The following THOC2 variants were observed in gnomAD, a reference collection of about 807,000 sequenced individuals.
The protein encoded by THOC2 is THO complex subunit 2, also known as THO complex 2.
In THOC2, 10 loss-of-function variants were observed where a neutral mutation model predicts 128.4. That is an observed-to-expected ratio of 0.08 (90% CI 0.05 to 0.13). The LOEUF (loss-of-function observed/expected upper bound fraction) is 0.13, where lower values mean the gene tolerates loss of function less well. Among genes scored for constraint, THOC2 ranks in the 10% least tolerant of loss-of-function variants. The pLI, the probability that THOC2 is intolerant of heterozygous loss-of-function variation, is 1.00. For missense variants in THOC2, 535 were observed against 1,155.7 expected (o/e 0.46, Z 7.79); for synonymous variants, 393 against 396.9 (o/e 0.99, Z 0.12).
Position 123,633,121 on chromosome X carries a change from G to A in THOC2, c.2137-81C>T, listed in dbSNP as rs747016963. 13 of 696,189 alleles carry A rather than the reference G, an allele frequency of 1.9e-5. No individual in the cohort carries two copies. The South Asian group carries it at 6.8e-4, about 37-fold the overall frequency. 57.4% of individuals were successfully genotyped at this position (696,189 alleles called of 1,213,427 possible). ...TGAAAAAGACACAGAAAAAAGTTGA[G>A]TTAAAATGCTTAATATAAAAAACTC... On this transcript the variant is annotated intron_variant, in intron 20 of 38. Transcript: ENST00000245838.
chrX:123,729,817 T>G (rs887844002), intron 1 of THOC2, among the ~76,000 whole-genome samples: 1 of 112,122 alleles, frequency 8.9e-6, no homozygotes, highest in Non-Finnish European at 1.9e-5. Context: ...AGGTTTTTTG[T>G]AATATATTTG....
Position 123,667,156 on chromosome X carries a change from G to A in THOC2, c.1140C>T (p.Ala380=). ...TATGAATGAGCTTGCAAATAGCAAG[G>A]GCTATTAGCTTGTGTGAAGCTGCAT... ...PYYAASHKLI[A]LAICKLIHIT... is the part of the protein sequence containing the mutation. The change falls in exon 11 of 39, where the codon GCC becomes GCT. Residue 380 remains alanine (A), a synonymous_variant. Coordinates refer to ENST00000245838, the MANE Select transcript of THOC2 (RefSeq NM_001081550.2). The A allele has an allele frequency of 8.3e-7, 1 of 1,202,934 alleles. No homozygotes were observed. Among genetic ancestry groups the A allele is most frequent in the Non-Finnish European group, 1.1e-6 (1 of 890,283 alleles).
intron 8 of THOC2, among the ~76,000 whole-genome samples, chrX:123,674,311 T>C (rs1322517814): frequency 8.9e-6 from 1 of 112,109 alleles, no homozygotes; most frequent in Non-Finnish European, 1.9e-5. Context: ...TTTTATATTA[T>C]ATAATGTTTT....
chrX:123,661,063 G>A (rs1161908382), intron 12 of THOC2, among the ~76,000 whole-genome samples: 1 of 112,428 alleles, frequency 8.9e-6, no homozygotes, highest in Admixed American at 9.4e-5. Flanking sequence ...AATAAGCCAG[G>A]CACAGAAAGA....
At chrX:123,669,459 G>A (rs1414988455) in intron 9 of THOC2, among the ~76,000 whole-genome samples, 2 of 110,422 alleles carry the variant, frequency 1.8e-5, no homozygotes, top group Non-Finnish European at 3.8e-5. Context: ...TGGGATTACA[G>A]GCATGTGCCA....
intron 1 of THOC2, among the ~76,000 whole-genome samples, chrX:123,719,916 A>T (rs1423121166): frequency 2.7e-5 from 3 of 111,387 alleles, no homozygotes; most frequent in South Asian, 3.7e-4. Flanking sequence ...GCAACAAAGC[A>T]AAATGCTGTC....
intron 8 of THOC2, among the ~76,000 whole-genome samples, chrX:123,678,103 T>C (rs933377412): frequency 9.1e-6 from 1 of 110,077 alleles, no homozygotes; most frequent in South Asian, 3.9e-4. Context: ...GACCTGAGGC[T>C]CTTCTTGAGG....
At chrX:123,645,499 A>C in intron 12 of THOC2, 124 bp from the exon 13 acceptor site, 1 of 393,701 alleles carries the variant, frequency 2.5e-6, no homozygotes, top group Non-Finnish European at 4.2e-6. Context: ...CTTTTTACAA[A>C]TATGTAGATT....
Position 123,667,127 on chromosome X carries a change from G to C in THOC2, c.1169C>G (p.Thr390Ser). 1 of 1,194,748 alleles carries C rather than the reference G, an allele frequency of 8.4e-7. No individual in the cohort carries two copies. Among genetic ancestry groups the C allele is most frequent in the Non-Finnish European group, 1.1e-6 (1 of 887,773 alleles). ...ATACCTTCGGTAGAGAGGCTCAATA[G>C]TTATATGAATGAGCTTGCAAATAGC... is the stretch of plus-strand genomic sequence containing the variant. ...ALAICKLIHI[T>S]IEPLYRRVGV... is the part of the protein sequence containing the mutation. Residue 390 changes from threonine (T) to serine (S), a missense_variant, in exon 11 of 39, where the codon ACT becomes AGT. Coordinates refer to ENST00000245838, the MANE Select transcript of THOC2 (RefSeq NM_001081550.2).
At chrX:123,728,022 A>G (rs2052070671) in intron 1 of THOC2, among the ~76,000 whole-genome samples, 1 of 112,459 alleles carries the variant, frequency 8.9e-6, no homozygotes, top group Non-Finnish European at 1.9e-5. Context: ...GATTATGCTC[A>G]CATCTCAAAT....
intron 12 of THOC2, among the ~76,000 whole-genome samples, chrX:123,651,071 C>T (rs1372369000): frequency 1.8e-5 from 2 of 111,650 alleles, no homozygotes; most frequent in African/African-American, 3.3e-5. Context: ...AAAGACTCCT[C>T]AGGACATGCA....
intron 33 of THOC2, among the ~76,000 whole-genome samples, chrX:123,616,677 T>G (rs1212321443): frequency 5.5e-5 from 6 of 109,298 alleles, no homozygotes; most frequent in Admixed American, 2.0e-4. Context: ...TTTTTTGTTT[T>G]TTTTTTTTTA....
intron 5 of THOC2, among the ~76,000 whole-genome samples, chrX:123,697,064 T>C (rs995309984): frequency 1.8e-5 from 2 of 112,332 alleles, no homozygotes; most frequent in African/African-American, 6.5e-5. Context: ...TAAAATTATA[T>C]GCATGTTGTA....
At chrX:123,640,728 T>C in intron 15 of THOC2, 106 bp from the exon 16 acceptor site, 1 of 421,641 alleles carries the variant, frequency 2.4e-6, no homozygotes, top group South Asian at 6.1e-5. Flanking sequence ...ATTCCCCAAA[T>C]ATCCAAAATG....
intron 7 of THOC2, among the ~76,000 whole-genome samples, chrX:123,692,419 A>G (rs2050258974): frequency 9.0e-6 from 1 of 111,032 alleles, no homozygotes; most frequent in South Asian, 3.8e-4. Flanking sequence ...TTGCGCATGC[A>G]GTAAACAGCC....
intron 1 of THOC2, among the ~76,000 whole-genome samples, chrX:123,722,268 G>A (rs756344910): frequency 1.3e-4 from 14 of 111,825 alleles, no homozygotes; most frequent in South Asian, 7.5e-4. Context: ...ACATGCACAC[G>A]TATGTTCACT....
At chrX:123,676,285 G>A (rs1282992555) in intron 8 of THOC2, among the ~76,000 whole-genome samples, 1 of 111,762 alleles carries the variant, frequency 8.9e-6, no homozygotes, top group African/African-American at 3.3e-5. Context: ...ACAAAAGTAG[G>A]CCCCTATGTG....
intron 11 of THOC2, among the ~76,000 whole-genome samples, chrX:123,666,195 G>C (rs1242793840): frequency 8.9e-6 from 1 of 112,224 alleles, no homozygotes; most frequent in Non-Finnish European, 1.9e-5. Flanking sequence ...TTGGATATGG[G>C]AATGGGCAAC....
At chrX:123,606,366 C>T (rs2046470212) in intron 38 of THOC2, among the ~76,000 whole-genome samples, 1 of 109,983 alleles carries the variant, frequency 9.1e-6, no homozygotes, top group Non-Finnish European at 1.9e-5. Flanking sequence ...CCAAGGAGGG[C>T]GGTTCACTTG....
Sources: allele counts gnomAD v4.1 joint callset (sites outside exome capture counted in the v4.1 genomes callset), GRCh38; gene constraint gnomAD v4.1.1; transcripts MANE v1.5; gene names NCBI Gene and HGNC (gene_info 2026-07-23, HGNC 2026-07-21).